Variants in CSPP1 observed in about 807,000 individuals in gnomAD.
CSPP1 encodes the protein centrosome and spindle pole associated protein 1, also known as centrosome and spindle pole-associated protein 1.
Under a neutral mutation model 164.4 loss-of-function variants are expected in CSPP1, and 126 were observed. The observed-to-expected ratio is 0.77, with a 90% CI of 0.66 to 0.89. The LOEUF (loss-of-function observed/expected upper bound fraction) is 0.89, where lower values mean the gene tolerates loss of function less well. CSPP1 is among the 40% of genes least tolerant of loss of function. CSPP1 has a pLI of 0.00. For synonymous variants in CSPP1, 472 were observed against 476.7 expected (o/e 0.99, Z 0.13); for missense variants, 1,395 against 1,449.8 (o/e 0.96, Z 0.61).
chr8:67,163,360 G>C (rs1828738535), intron 22 of CSPP1, among the ~76,000 whole-genome samples: 1 of 152,124 alleles, frequency 6.6e-6, no homozygotes, highest in Non-Finnish European at 1.5e-5. Context: ...TTTAAGAAAG[G>C]GAGAGGTTTT....
chr8:67,184,943 C>CAAAA (rs796384901), intron 28 of CSPP1, among the ~76,000 whole-genome samples: 25 of 56,058 alleles, frequency 4.5e-4, no homozygotes, highest in East Asian at 2.1e-3. Context: ...ACTAAAAATA[C>CAAAA]AAAAAAAAAA....
intron 21 of CSPP1, among the ~76,000 whole-genome samples, chr8:67,159,892 CTTTCTTTCTTTCTTTCTTT>C (rs1827586562): frequency 1.5e-5 from 1 of 66,298 alleles, no homozygotes. Context: ...TTCTTTCTTT[CTTTCTTTCTTTCTTTCTTT>C]CTTTCTTTCT....
chr8:67,152,086 C>CAAAA (rs1185447488), intron 18 of CSPP1, among the ~76,000 whole-genome samples: 3 of 58,090 alleles, frequency 5.2e-5, no homozygotes, highest in Non-Finnish European at 8.9e-5. Flanking sequence ...GACTCCATCT[C>CAAAA]AAAAAAAAAA....
chr8:67,074,899 G>A, intron 2 of CSPP1: 1 of 184,514 alleles, frequency 5.4e-6, no homozygotes, highest in Non-Finnish European at 1.1e-5. Context: ...TTCTGCCTCA[G>A]CCTCATGAGT....
At chr8:67,072,890 A>G (rs1207696003) in intron 1 of CSPP1, among the ~76,000 whole-genome samples, 1 of 150,488 alleles carries the variant, frequency 6.6e-6, no homozygotes, top group Non-Finnish European at 1.5e-5. Flanking sequence ...AAAAAAAAAA[A>G]GAAAGAAAGA....
Position 67,064,462 on chromosome 8 carries a change from T to A in CSPP1, c.-87T>A. Reference sequence around the variant, plus strand: ...GGTCCGCGACGATCCTCTAGAGCACTGTGTGTCTCCCCGGACGCGAGCCCG... The same window carrying A: ...GGTCCGCGACGATCCTCTAGAGCACAGTGTGTCTCCCCGGACGCGAGCCCG... On this transcript the variant is annotated 5_prime_UTR_variant, in exon 1 of 31. Coordinates refer to ENST00000678616, the MANE Select transcript of CSPP1 (RefSeq NM_001382391.1). 2 of 1,613,860 alleles carry A rather than the reference T, an allele frequency of 1.2e-6. No homozygotes were observed. The highest frequency in any genetic ancestry group is 1.7e-6 in the Non-Finnish European group (2 of 1,179,870).
At chr8:67,166,360 A>G (rs1370626999) in intron 24 of CSPP1, among the ~76,000 whole-genome samples, 3 of 152,204 alleles carry the variant, frequency 2.0e-5, no homozygotes, top group East Asian at 1.9e-4. Flanking sequence ...AATTGTTCCT[A>G]TGTCTATTTG....
chr8:67,086,187 CAT>C, intron 4 of CSPP1, 77 bp downstream of exon 4: 2 of 795,374 alleles, frequency 2.5e-6, no homozygotes, highest in Non-Finnish European at 4.6e-6. Flanking sequence ...AGGTATTAGT[CAT>C]ATGTGTTAAT....
In CSPP1 at chr8:67,158,542, A is replaced by G. The variant is rs1827111949; in HGVS notation, c.2337A>G (p.Arg779=). 6.2e-7 allele frequency: 1 copy of G among 1,612,336 alleles called. No individual in the cohort carries two copies. Among genetic ancestry groups the G allele is most frequent in the South Asian group, 1.1e-5 (1 of 90,828 alleles). ...EERRLAEQRA[R]IQQEYEEEQE... The stretch of plus-strand genomic sequence containing the variant: ...GACGGCTTGCAGAACAGAGGGCACG[A>G]ATTCAGCAGGAGTATGAAGAGGAAC... Residue 779 remains arginine (R), a synonymous_variant, in exon 20 of 31, where the codon CGA becomes CGG. Coordinates refer to ENST00000678616, the MANE Select transcript of CSPP1 (RefSeq NM_001382391.1).
chr8:67,126,380 G>T (rs546785300), intron 15 of CSPP1, among the ~76,000 whole-genome samples: 1 of 152,250 alleles, frequency 6.6e-6, no homozygotes, highest in South Asian at 2.1e-4. Flanking sequence ...CCTCCTTGTG[G>T]TTTGTTGTTG....
intron 19 of CSPP1, 115 bp downstream of exon 19, chr8:67,154,251 T>TA: frequency 1.0e-5 from 6 of 600,720 alleles, no homozygotes; most frequent in Non-Finnish European, 1.8e-5. Context: ...TTATCTAAAA[T>TA]ATCTAATTTA....
chr8:67,170,481 G>C (rs987380433), intron 24 of CSPP1, among the ~76,000 whole-genome samples: 1 of 151,882 alleles, frequency 6.6e-6, no homozygotes, highest in African/African-American at 2.4e-5. Flanking sequence ...TCTTAATTCT[G>C]TTGTTCACCG....
Position 67,195,444 on chromosome 8 carries a change from A to AACTC in CSPP1, c.3533_3536dup (p.Val1180LeufsTer5), listed in dbSNP as rs1563816165. 3 of 1,614,096 alleles carry AACTC rather than the reference A, an allele frequency of 1.9e-6. No individual in the cohort carries two copies. Among genetic ancestry groups the AACTC allele is most frequent in the African/African-American group, 2.7e-5 (2 of 74,946 alleles). On this transcript the variant is annotated frameshift_variant, in exon 31 of 31. Coordinates refer to ENST00000678616, the MANE Select transcript of CSPP1 (RefSeq NM_001382391.1). LOFTEE classifies it high-confidence loss of function. ...GAAACACATAGGGGATGACGGATCAAACTCTGTAGCAACTGAGCCCTGGCT... is the reference window on the plus strand; with the variant it reads ...GAAACACATAGGGGATGACGGATCAAACTCACTCTGTAGCAACTGAGCCCTGGCT...
chr8:67,082,683 G>A (rs1341388999), intron 3 of CSPP1, among the ~76,000 whole-genome samples: 2 of 152,188 alleles, frequency 1.3e-5, no homozygotes, highest in Non-Finnish European at 2.9e-5. Context: ...TGCTCTGTTA[G>A]AAGGTAAATT....
At chr8:67,117,122 AT>A (rs1444284045) in intron 13 of CSPP1, among the ~76,000 whole-genome samples, 1 of 151,986 alleles carries the variant, frequency 6.6e-6, no homozygotes, top group Non-Finnish European at 1.5e-5. Flanking sequence ...GTAGTATTAT[AT>A]TTTTTTCATG....
chr8:67,126,455 C>CT (rs775918772), intron 15 of CSPP1, among the ~76,000 whole-genome samples: 2 of 152,142 alleles, frequency 1.3e-5, no homozygotes, highest in Admixed American at 6.5e-5. Context: ...ACTGAAGTCT[C>CT]TGTTAGGATA....
intron 30 of CSPP1, 41 bp downstream of exon 30, chr8:67,193,643 T>C (rs1166543499): frequency 6.4e-7 from 1 of 1,565,878 alleles, no homozygotes; most frequent in Non-Finnish European, 8.7e-7. Context: ...GAATCCTGTA[T>C]GAACTTTTAA....
chr8:67,133,405 A>C (rs933893425), intron 16 of CSPP1: 1 of 152,270 alleles, frequency 6.6e-6, no homozygotes, highest in Non-Finnish European at 1.5e-5. Flanking sequence ...CAATGAAATG[A>C]TTCACATGAA....
intron 26 of CSPP1, 199 bp downstream of exon 26, chr8:67,175,635 A>G: frequency 2.9e-6 from 2 of 695,714 alleles, no homozygotes; most frequent in South Asian, 3.0e-5. Flanking sequence ...AGGGTGGTGT[A>G]TTCATGCATG....
Sources: allele counts gnomAD v4.1 joint callset (sites outside exome capture counted in the v4.1 genomes callset), GRCh38; gene constraint gnomAD v4.1.1; transcripts MANE v1.5; gene names NCBI Gene and HGNC (gene_info 2026-07-23, HGNC 2026-07-21).